The following DNAJC13 variants were observed in gnomAD, a reference collection of about 807,000 sequenced individuals.
DNAJC13 encodes DnaJ heat shock protein family (Hsp40) member C13, also known as dnaJ homolog subfamily C member 13.
A neutral mutation model predicts 290.5 loss-of-function variants in DNAJC13; 75 were observed. That is an observed-to-expected ratio of 0.26 (90% CI 0.21 to 0.31). The LOEUF (loss-of-function observed/expected upper bound fraction) is 0.31, where lower values mean the gene tolerates loss of function less well. Ranked by LOEUF, DNAJC13 falls within the 10% of genes least tolerant of loss-of-function variation. The probability of loss-of-function intolerance (pLI) is 1.00; values close to 1 mark genes in which losing one functional copy is unlikely to be tolerated. For missense variants in DNAJC13, 2,260 were observed against 2,674.5 expected (o/e 0.85, Z 3.42); for synonymous variants, 862 against 892.0 (o/e 0.97, Z 0.60).
At chr3:132,528,515 A>G (rs112266802) in intron 54 of DNAJC13, among the ~76,000 whole-genome samples, 183 bp downstream of exon 54, 4 of 152,332 alleles carry the variant, frequency 2.6e-5, no homozygotes, top group African/African-American at 9.6e-5. Flanking sequence ...AGCATAAACC[A>G]TATACTCAAT....
chr3:132,483,779 G>A (rs1161519889), intron 28 of DNAJC13, among the ~76,000 whole-genome samples: 1 of 152,174 alleles, frequency 6.6e-6, no homozygotes, highest in Admixed American at 6.5e-5. Flanking sequence ...CTTTTTCTGG[G>A]AGATTTCAAA....
intron 9 of DNAJC13, among the ~76,000 whole-genome samples, chr3:132,455,039 C>T (rs1265760511): frequency 2.6e-5 from 4 of 152,086 alleles, no homozygotes; most frequent in Non-Finnish European, 5.9e-5. Flanking sequence ...GTTAGTTAGA[C>T]TTCATTAAAA....
intron 47 of DNAJC13, 49 bp downstream of exon 47, chr3:132,516,545 C>T: frequency 1.3e-6 from 2 of 1,590,504 alleles, no homozygotes; most frequent in Non-Finnish European, 8.6e-7. Flanking sequence ...TATAATGAAG[C>T]TTATTTTGAG....
intron 21 of DNAJC13, among the ~76,000 whole-genome samples, 190 bp from the exon 22 acceptor site, chr3:132,474,740 TTC>T (rs1027203570): frequency 4.0e-5 from 6 of 151,738 alleles, no homozygotes; most frequent in African/African-American, 1.4e-4. Flanking sequence ...ACCACCAAGA[TTC>T]TGTCATTAAT....
At chr3:132,509,810 G>GT (rs1017040863) in intron 43 of DNAJC13, among the ~76,000 whole-genome samples, 2 of 152,090 alleles carry the variant, frequency 1.3e-5, no homozygotes, top group Non-Finnish European at 2.9e-5. Flanking sequence ...TATGCACGTA[G>GT]TTTTTTTTAG....
intron 43 of DNAJC13, among the ~76,000 whole-genome samples, chr3:132,510,794 T>C (rs1935753636): frequency 6.6e-6 from 1 of 152,164 alleles, no homozygotes; most frequent in African/African-American, 2.4e-5. Flanking sequence ...TATCATACTA[T>C]CTGTTACTTC....
intron 43 of DNAJC13, among the ~76,000 whole-genome samples, chr3:132,508,023 A>G (rs1935649610): frequency 6.6e-6 from 1 of 152,262 alleles, no homozygotes; most frequent in African/African-American, 2.4e-5. Context: ...TCCAATGAAT[A>G]CATGAATGAC....
intron 55 of DNAJC13, among the ~76,000 whole-genome samples, chr3:132,531,495 T>C (rs1936412948): frequency 6.6e-6 from 1 of 152,218 alleles, no homozygotes; most frequent in Non-Finnish European, 1.5e-5. Context: ...ATATGTATAA[T>C]TGTATGTAAA....
At chr3:132,519,217 G>T (rs561859667) in intron 48 of DNAJC13, among the ~76,000 whole-genome samples, 26 of 152,076 alleles carry the variant, frequency 1.7e-4, no homozygotes, top group Non-Finnish European at 3.5e-4. Flanking sequence ...TTGTCAGATT[G>T]TTTTCCAAAG....
Position 132,477,852 on chromosome 3 carries a change from G to C in DNAJC13, c.2509G>C (p.Glu837Gln). The C allele has an allele frequency of 6.2e-7, 1 of 1,613,540 alleles. No individual in the cohort carries two copies. Residue 837 changes from glutamate (E) to glutamine (Q), a missense_variant, in exon 23 of 56, where the codon GAG becomes CAG. Glu to Gln is a conservative substitution (Grantham distance 29, BLOSUM62 2). Transcript: ENST00000260818. Reference protein sequence around the residue: ...IGDYYLRLLLEEDENEESGSI... With the variant: ...IGDYYLRLLLQEDENEESGSI... ...AGACTATTACCTGAGATTACTATTG[G>C]AGGAAGATGAGAATGAAGAAAGTGG...
intron 43 of DNAJC13, 29 bp from the exon 44 acceptor site, chr3:132,511,035 ATGT>A (rs1935763203): frequency 6.2e-7 from 1 of 1,603,098 alleles, no homozygotes; most frequent in South Asian, 1.1e-5. Context: ...TAGGGCACCC[ATGT>A]TGTTTAAATA....
intron 18 of DNAJC13, 87 bp downstream of exon 18, chr3:132,466,157 T>G: frequency 1.4e-6 from 2 of 1,424,428 alleles, no homozygotes; most frequent in Non-Finnish European, 2.0e-6. Flanking sequence ...GGATGGTTTG[T>G]TTTTTATTGA....
rs1935773536 is a variant in DNAJC13 at position 132,511,307 on chromosome 3, A to G, written c.5293+63A>G. On this transcript the variant is annotated intron_variant, in intron 44 of 55. Coordinates refer to ENST00000260818, the MANE Select transcript of DNAJC13 (RefSeq NM_015268.4). Reference sequence around the variant, plus strand: ...ATACAGGAGCCCTAAAAATTCCAATAATCAATTTTATCAGGGAAACTCAGG... The same window carrying G: ...ATACAGGAGCCCTAAAAATTCCAATGATCAATTTTATCAGGGAAACTCAGG... The G allele has an allele frequency of 3.2e-6, 5 of 1,551,562 alleles. No individual in the cohort carries two copies. The South Asian group carries it at 4.8e-5, about 15-fold the overall frequency.
chr3:132,513,747 C>A (rs943583641), intron 45 of DNAJC13, among the ~76,000 whole-genome samples: 1 of 152,130 alleles, frequency 6.6e-6, no homozygotes, highest in African/African-American at 2.4e-5. Flanking sequence ...GTAGCCTTTT[C>A]TTCTGAGAGA....
Position 132,482,207 on chromosome 3 carries a change from A to G in DNAJC13, c.2875-19A>G, listed in dbSNP as rs779553938. ...AGATTTCTGCCTTGGAAAATAATTT[A>G]AATCTTTTTTAAACTTAGAGCAATG... On this transcript the variant is annotated intron_variant, in intron 26 of 55. Coordinates refer to ENST00000260818, the MANE Select transcript of DNAJC13 (RefSeq NM_015268.4). 6.3e-7 allele frequency: 1 copy of G among 1,592,452 alleles called. No individual in the cohort carries two copies. Among genetic ancestry groups the G allele is most frequent in the Non-Finnish European group, 8.6e-7 (1 of 1,167,286 alleles).
intron 46 of DNAJC13, 93 bp from the exon 47 acceptor site, chr3:132,516,329 G>A (rs1162723116): frequency 2.7e-6 from 3 of 1,105,186 alleles, no homozygotes; most frequent in Non-Finnish European, 4.1e-6. Flanking sequence ...ATCCTGTGTA[G>A]AACATCTAGT....
At position 132,447,329 on chromosome 3, in the gene DNAJC13, T is replaced by C. The variant is rs748410436; in HGVS notation, c.153T>C (p.Tyr51=). The C allele has an allele frequency of 5.1e-6, 8 of 1,571,024 alleles. No homozygotes were observed. The highest frequency in any genetic ancestry group is 6.9e-6 in the Non-Finnish European group (8 of 1,165,914). Residue 51 remains tyrosine (Y), a synonymous_variant, in exon 4 of 56, where the codon TAT becomes TAC. Coordinates refer to ENST00000260818, the MANE Select transcript of DNAJC13 (RefSeq NM_015268.4). The stretch of plus-strand genomic sequence containing the variant: ...ATTTTTTTTTTTTTAAGTGGCCTTA[T>C]GGAGACATTTGCAGCATCAGCCCTG... ...NTLEVTNQWP[Y]GDICSISPVG... is the part of the protein sequence containing the mutation.
At chr3:132,529,410 G>T (rs1048214516) in intron 54 of DNAJC13, among the ~76,000 whole-genome samples, 8 of 152,166 alleles carry the variant, frequency 5.3e-5, no homozygotes, top group African/African-American at 9.7e-5. Context: ...TCCCGGTAAT[G>T]AATTTACTGG....
At position 132,530,982 on chromosome 3, in the gene DNAJC13, T is replaced by A. The variant is rs918975752; in HGVS notation, c.6526-16T>A. 1.4e-5 allele frequency: 22 copies of A among 1,607,506 alleles called. No individual in the cohort carries two copies. Among genetic ancestry groups the A allele is most frequent in the Non-Finnish European group, 1.7e-5 (20 of 1,174,238 alleles). On this transcript the variant is annotated splice_polypyrimidine_tract_variant and intron_variant, in intron 54 of 55. Transcript: ENST00000260818. ...TCCTTGATTTTATGTTCAAAGGGCT[T>A]GTTTTACTTTCCTAGGTGAATGAAA... is the stretch of plus-strand genomic sequence containing the variant.
Sources: gnomAD v4.1 joint callset for allele counts (sites outside exome capture counted in the v4.1 genomes callset) on GRCh38, gnomAD v4.1.1 for gene constraint, MANE v1.5 for transcripts, NCBI Gene and HGNC (gene_info 2026-07-23, HGNC 2026-07-21) for gene names.